DNAI4: variants seen among roughly 807,000 people sequenced by gnomAD.
DNAI4 encodes dynein axonemal intermediate chain 4.
DNAI4 carries 85 observed loss-of-function variants against 105.8 expected under a neutral mutation model. The ratio of observed to expected loss-of-function variants is 0.80; its 90% CI spans 0.67 to 0.96. The LOEUF (loss-of-function observed/expected upper bound fraction) is 0.96, where lower values mean the gene tolerates loss of function less well. Ranked by LOEUF, DNAI4 falls within the 40% of genes least tolerant of loss-of-function variation. DNAI4 has a pLI of 0.00. For missense variants in DNAI4, 1,014 were observed against 1,005.6 expected (o/e 1.01, Z -0.11); for synonymous variants, 352 against 331.5 (o/e 1.06, Z -0.67).
intron 3 of DNAI4, among the ~76,000 whole-genome samples, chr1:66,892,454 T>C (rs1647741370): frequency 6.6e-6 from 1 of 152,240 alleles, no homozygotes; most frequent in South Asian, 2.1e-4. Context: ...TTGAAATTAA[T>C]TGTATGTGAT....
chr1:66,859,882 CTG>C, intron 7 of DNAI4, among the ~76,000 whole-genome samples: 1 of 152,154 alleles, frequency 6.6e-6, no homozygotes, highest in African/African-American at 2.4e-5. Context: ...CTGTATAAAA[CTG>C]TAATGGTAGA....
At chr1:66,850,120 A>G (rs1646364873) in intron 7 of DNAI4, among the ~76,000 whole-genome samples, 1 of 142,960 alleles carries the variant, frequency 7.0e-6, no homozygotes, top group Non-Finnish European at 1.5e-5. Context: ...ACACCATACT[A>G]AAATTTCTAA....
chr1:66,827,511 A>G (rs1645780850), intron 14 of DNAI4, among the ~76,000 whole-genome samples: 1 of 152,072 alleles, frequency 6.6e-6, no homozygotes, highest in Non-Finnish European at 1.5e-5. Flanking sequence ...TAAAAAAAAT[A>G]AGCTATAGAG....
At chr1:66,821,945 C>T (rs1440695266) in intron 16 of DNAI4, among the ~76,000 whole-genome samples, 1 of 152,032 alleles carries the variant, frequency 6.6e-6, no homozygotes, top group Admixed American at 6.6e-5. Flanking sequence ...TATGATAATG[C>T]TAATCCAACA....
At chr1:66,913,143 G>C (rs1045611820) in intron 1 of DNAI4, among the ~76,000 whole-genome samples, 2 of 152,166 alleles carry the variant, frequency 1.3e-5, no homozygotes, top group African/African-American at 2.4e-5. Flanking sequence ...ATGGTAGAAA[G>C]CAGTCTTCAG....
intron 2 of DNAI4, among the ~76,000 whole-genome samples, chr1:66,894,911 A>T (rs911046001): frequency 6.6e-6 from 1 of 152,176 alleles, no homozygotes; most frequent in Non-Finnish European, 1.5e-5. Flanking sequence ...AAATTTTAGA[A>T]TTATCTTGAA....
intron 7 of DNAI4, among the ~76,000 whole-genome samples, chr1:66,851,469 T>C (rs975437101): frequency 6.6e-6 from 1 of 151,906 alleles, no homozygotes; most frequent in African/African-American, 2.4e-5. Context: ...CTAATATTTA[T>C]ATAATATTCC....
chr1:66,836,256 GAAAGAAAGAA>G (rs1482234399), intron 10 of DNAI4, among the ~76,000 whole-genome samples: 473 of 14,070 alleles, frequency 0.034, 6 homozygotes, highest in African/African-American at 0.11. Flanking sequence ...GAGAGAGAGA[GAAAGAAAGAA>G]AGAAAGAAAG....
chr1:66,915,246 C>A (rs1649980387), intron 1 of DNAI4, among the ~76,000 whole-genome samples: 1 of 152,148 alleles, frequency 6.6e-6, no homozygotes, highest in Non-Finnish European at 1.5e-5. Context: ...AGTCCACAGG[C>A]AATAAGGAGG....
chr1:66,903,152 T>C (rs1390315050), intron 2 of DNAI4, among the ~76,000 whole-genome samples: 2 of 152,216 alleles, frequency 1.3e-5, no homozygotes, highest in East Asian at 3.8e-4. Flanking sequence ...CCTAACACTA[T>C]TACGCCTTCC....
At chr1:66,847,239 T>C (rs148071123) in intron 8 of DNAI4, among the ~76,000 whole-genome samples, 3 of 152,294 alleles carry the variant, frequency 2.0e-5, no homozygotes, top group East Asian at 1.9e-4. Flanking sequence ...TTTAGAAATA[T>C]ATACTAAAAC....
intron 12 of DNAI4, 78 bp from the exon 13 acceptor site, chr1:66,833,784 T>C (rs1320840636): frequency 6.5e-7 from 1 of 1,526,940 alleles, no homozygotes; most frequent in Non-Finnish European, 8.8e-7. Context: ...GTGTTTCTCC[T>C]GCAAATAATA....
chr1:66,871,307 T>G, intron 6 of DNAI4, 63 bp downstream of exon 6: 2 of 1,443,086 alleles, frequency 1.4e-6, no homozygotes, highest in Non-Finnish European at 1.9e-6. Flanking sequence ...ACTTGTCGAT[T>G]GACAGACTCA....
intron 1 of DNAI4, among the ~76,000 whole-genome samples, chr1:66,909,830 T>A (rs1363755730): frequency 6.6e-6 from 1 of 152,106 alleles, no homozygotes; most frequent in Non-Finnish European, 1.5e-5. Context: ...CTCTTCCCTA[T>A]TTTTGTTAAG....
At position 66,893,077 on chromosome 1, in the gene DNAI4, G is replaced by GAAAGAAAGAAAGAA. The variant is rs1569807333; in HGVS notation, c.530+138_530+151dup. On this transcript the variant is annotated intron_variant, in intron 3 of 16. Coordinates refer to ENST00000371026, the MANE Select transcript of DNAI4 (RefSeq NM_024763.5). ...AAAGAGAGAGAGAGAAAGAAAGAAA[G>GAAAGAAAGAAAGAA]AAAGAAAGAAAGAAAGAAAGAAAGA... The GAAAGAAAGAAAGAA allele has an allele frequency of 1.4e-5, 5 of 367,654 alleles. No homozygotes were observed. In the East Asian group the frequency reaches 1.9e-4, roughly 14 times the overall value. The allele number at this position is 367,654 out of a possible 1,614,324, so 22.8% of individuals were successfully genotyped here. A position where few individuals can be genotyped will look rare whatever the true frequency, so the allele number is the denominator to read the frequency against.
intron 11 of DNAI4, among the ~76,000 whole-genome samples, chr1:66,834,732 T>C (rs958944203): frequency 3.3e-5 from 5 of 152,146 alleles, no homozygotes; most frequent in Non-Finnish European, 7.4e-5. Flanking sequence ...AATGTGATGT[T>C]CTTTTCGTGG....
In DNAI4 at chr1:66,894,081, C is replaced by T. The variant is rs2985806; in HGVS notation, c.346-668G>A. Among the ~76,000 whole-genome samples the T allele has an allele frequency of 8.1e-3, 1,230 of 152,170 alleles. 15 individuals carry two copies. The highest frequency in any genetic ancestry group is 0.028 in the African/African-American group (1,169 of 41,526). On this transcript the variant is annotated intron_variant, in intron 2 of 16. Coordinates refer to ENST00000371026, the MANE Select transcript of DNAI4 (RefSeq NM_024763.5). ...ATTATGCTTCTGGTTTATGTGCTTACGAAACTACACTTTTTAATATTTTAG... is the reference window on the plus strand; with the variant it reads ...ATTATGCTTCTGGTTTATGTGCTTATGAAACTACACTTTTTAATATTTTAG...
intron 7 of DNAI4, chr1:66,848,253 A>C (rs1325547377): frequency 2.2e-6 from 1 of 456,174 alleles, no homozygotes; most frequent in South Asian, 1.5e-5. Flanking sequence ...AAAGACAGCA[A>C]CATTGATTGC....
intron 1 of DNAI4, among the ~76,000 whole-genome samples, chr1:66,922,127 G>A (rs1374793489): frequency 6.6e-6 from 1 of 152,014 alleles, no homozygotes; most frequent in Non-Finnish European, 1.5e-5. Flanking sequence ...CCAAGCTCAA[G>A]TAATTTGCCC....
Sources: gnomAD v4.1 joint callset for allele counts (sites outside exome capture counted in the v4.1 genomes callset) on GRCh38, gnomAD v4.1.1 for gene constraint, MANE v1.5 for transcripts, NCBI Gene and HGNC (gene_info 2026-07-23, HGNC 2026-07-21) for gene names.